The following ABCC1 variants were observed in gnomAD, a reference collection of about 807,000 sequenced individuals.
ABCC1 encodes ATP binding cassette subfamily C member 1 (ABCC1 blood group), also known as multidrug resistance-associated protein 1.
ABCC1 carries 83 observed loss-of-function variants against 172.9 expected under a neutral mutation model. The observed-to-expected ratio is 0.48, with a 90% CI of 0.40 to 0.58. ABCC1 has a LOEUF of 0.58. Ranked by LOEUF, ABCC1 falls within the 20% of genes least tolerant of loss-of-function variation. The pLI is 0.00. For missense variants in ABCC1, 1,817 were observed against 2,002.7 expected (o/e 0.91, Z 1.77); for synonymous variants, 937 against 825.2 (o/e 1.14, Z -2.32).
chr16:16,076,018 A>G (rs1424632971), intron 14 of ABCC1, among the ~76,000 whole-genome samples: 1 of 119,168 alleles, frequency 8.4e-6, no homozygotes, highest in East Asian at 2.4e-4. Flanking sequence ...GAGAGCATTG[A>G]GTAATTCTCA....
At chr16:16,041,894 C>T (rs571510552) in intron 7 of ABCC1, among the ~76,000 whole-genome samples, 20 of 152,110 alleles carry the variant, frequency 1.3e-4, no homozygotes, top group African/African-American at 2.4e-4. Context: ...TTCATGAGTT[C>T]GAGACCAGCC....
intron 12 of ABCC1, among the ~76,000 whole-genome samples, chr16:16,063,458 A>G (rs2049994022): frequency 6.6e-6 from 1 of 152,164 alleles, no homozygotes; most frequent in South Asian, 2.1e-4. Context: ...ACCTTGGCAA[A>G]TAGTTCATGC....
chr16:15,982,803 C>CAAAAAGAAAAAAA (rs2046653338), intron 1 of ABCC1, among the ~76,000 whole-genome samples: 1 of 43,212 alleles, frequency 2.3e-5, no homozygotes, highest in Non-Finnish European at 4.3e-5. Flanking sequence ...GAGACGCTGT[C>CAAAAAGAAAAAAA]AAAAAAAAAA....
intron 1 of ABCC1, among the ~76,000 whole-genome samples, chr16:16,002,248 G>A (rs1201682731): frequency 1.3e-5 from 2 of 152,082 alleles, no homozygotes; most frequent in Middle Eastern, 3.2e-3. Flanking sequence ...AGCAAAGTAC[G>A]GAACATTATG....
intron 23 of ABCC1, among the ~76,000 whole-genome samples, chr16:16,117,732 C>G (rs894824776): frequency 6.6e-6 from 1 of 152,136 alleles, no homozygotes; most frequent in African/African-American, 2.4e-5. Flanking sequence ...ATGGTGAAAC[C>G]CCACCTCTAC....
chr16:16,069,162 T>TA (rs2050229958), intron 13 of ABCC1, among the ~76,000 whole-genome samples: 2 of 135,972 alleles, frequency 1.5e-5, no homozygotes, highest in African/African-American at 5.8e-5. Flanking sequence ...TAAAATAAAA[T>TA]AAAATAAAAA....
At chr16:15,971,872 A>T (rs539911225) in intron 1 of ABCC1, among the ~76,000 whole-genome samples, 3 of 152,124 alleles carry the variant, frequency 2.0e-5, no homozygotes, top group African/African-American at 7.2e-5. Context: ...ACACACGTGG[A>T]GTGGTTTTAA....
chr16:15,994,637 A>T (rs539133970), intron 1 of ABCC1, among the ~76,000 whole-genome samples: 2 of 152,204 alleles, frequency 1.3e-5, no homozygotes, highest in African/African-American at 2.4e-5. Flanking sequence ...TTATTATTTT[A>T]GAAATCATGC....
chr16:16,122,291 A>G (rs1189151747), intron 24 of ABCC1, 117 bp downstream of exon 24: 12 of 1,144,284 alleles, frequency 1.0e-5, no homozygotes, highest in Non-Finnish European at 1.5e-5. Flanking sequence ...CCGGCCTTGC[A>G]GAAAGGATGG....
At chr16:16,007,214 TTGTGTGTGTGTG>T (rs71388788) in intron 1 of ABCC1, among the ~76,000 whole-genome samples, 12 of 145,774 alleles carry the variant, frequency 8.2e-5, no homozygotes, top group African/African-American at 3.1e-4. Flanking sequence ...GTATGCACTG[TTGTGTGTGTGTG>T]TGTGTGTGTG....
At position 16,124,347 on chromosome 16, in the gene ABCC1, G is replaced by A. The variant is rs1567432135; in HGVS notation, c.3591-442G>A. On this transcript the variant is annotated intron_variant, in intron 24 of 30. Transcript: ENST00000399410. ...TGTGTGTGTGTGTGTGTGTGTGTGT[G>A]TGATTATAGGAGTGACCCACTACGC... Among the ~76,000 whole-genome samples the A allele has an allele frequency of 8.5e-5, 10 of 118,202 alleles. 1 individual carries two copies. The highest frequency in any genetic ancestry group is 1.8e-4 in the Admixed American group (2 of 11,066). The allele number at this position is 118,202 out of a possible 152,430, so 77.5% of individuals were successfully genotyped here.
At chr16:16,123,852 CA>C (rs1322013236) in intron 24 of ABCC1, among the ~76,000 whole-genome samples, 4 of 151,964 alleles carry the variant, frequency 2.6e-5, no homozygotes, top group African/African-American at 7.2e-5. Flanking sequence ...TCTCTAAAAA[CA>C]AAACAAAAAA....
In ABCC1 at chr16:16,056,075, T is replaced by G; in HGVS notation, c.1474-17T>G. 6.2e-7 allele frequency: 1 copy of G among 1,613,288 alleles called. No individual in the cohort carries two copies. The highest frequency in any genetic ancestry group is 1.3e-5 in the African/African-American group (1 of 75,050). ...CCAGGGTCGCCCCAGATGTGTTGAC[T>G]GCCCGTCTCTTCCAAGGTGGCCCAC... On this transcript the variant is annotated splice_polypyrimidine_tract_variant and intron_variant, in intron 11 of 30. Transcript: ENST00000399410.
chr16:16,044,663 C>A lies in ABCC1; in HGVS notation c.1023C>A (p.Ser341=). ...FKAIHDLMMF[S]GPQILKLLIK... ...CCATCCACGACCTGATGATGTTTTC[C>A]GGGCCGCAGATCTTAAAGTAAGACC... Residue 341 remains serine, a synonymous_variant, in exon 8 of 31, where the codon TCC becomes TCA. Coordinates refer to ENST00000399410, the MANE Select transcript of ABCC1 (RefSeq NM_004996.4). 2 of 1,614,110 alleles carry A rather than the reference C, an allele frequency of 1.2e-6. No individual in the cohort carries two copies. The highest frequency in any genetic ancestry group is 1.7e-6 in the Non-Finnish European group (2 of 1,180,010).
At chr16:16,033,193 T>A in intron 6 of ABCC1, 23 bp downstream of exon 6, 1 of 1,608,294 alleles carries the variant, frequency 6.2e-7, no homozygotes, top group Non-Finnish European at 8.5e-7. Context: ...CCCCCAGACC[T>A]CAGGGAGGTG....
chr16:16,090,330 T>C (rs1198327443), intron 18 of ABCC1, 75 bp from the exon 19 acceptor site: 2 of 1,438,910 alleles, frequency 1.4e-6, no homozygotes, highest in East Asian at 2.5e-5. Context: ...CATTCCTCCT[T>C]TAGTCTTCAC....
intron 5 of ABCC1, among the ~76,000 whole-genome samples, chr16:16,030,330 T>A (rs1255660260): frequency 1.3e-5 from 2 of 152,154 alleles, no homozygotes; most frequent in African/African-American, 4.8e-5. Flanking sequence ...GAGACCAGCC[T>A]GTTCACCAAC....
At chr16:15,993,977 T>C (rs2046964431) in intron 1 of ABCC1, among the ~76,000 whole-genome samples, 1 of 152,010 alleles carries the variant, frequency 6.6e-6, no homozygotes, top group Non-Finnish European at 1.5e-5. Context: ...ACACCTCTAA[T>C]CCCGGCACTC....
At chr16:16,020,197 C>G (rs534487520) in intron 5 of ABCC1, among the ~76,000 whole-genome samples, 8 of 152,334 alleles carry the variant, frequency 5.3e-5, no homozygotes, top group African/African-American at 1.9e-4. Context: ...GCTGGGATTA[C>G]AGGCTTGAGC....
Sources: gnomAD v4.1 joint callset for allele counts (sites outside exome capture counted in the v4.1 genomes callset) on GRCh38, gnomAD v4.1.1 for gene constraint, MANE v1.5 for transcripts, NCBI Gene and HGNC (gene_info 2026-07-23, HGNC 2026-07-21) for gene names.